OR14A2: variants seen among roughly 807,000 people sequenced by gnomAD.
OR14A2 encodes olfactory receptor family 14 subfamily A member 2.
For missense variants in OR14A2, 237 were observed against 152.9 expected, an observed-to-expected ratio of 1.55 and a Z score of -2.90; for synonymous variants, 114 against 58.6, an observed-to-expected ratio of 1.95 and a Z score of -4.32.
upstream of OR14A2, among the ~76,000 whole-genome samples, chr1:247,725,279 A>G (rs985265674): frequency 3.9e-5 from 6 of 152,050 alleles, no homozygotes; most frequent in African/African-American, 1.4e-4. Flanking sequence ...AAAATAAAGT[A>G]AAGGTTACGG....
At chr1:247,740,677 T>A in the OR14A2 span, among the ~76,000 whole-genome samples, 1 of 152,336 alleles carries the variant, frequency 6.6e-6, no homozygotes, top group Middle Eastern at 3.4e-3. Flanking sequence ...ACATTTCAAG[T>A]ACCCTAAATG....
At chr1:247,741,552 T>G in the OR14A2 span, among the ~76,000 whole-genome samples, 1 of 152,176 alleles carries the variant, frequency 6.6e-6, no homozygotes, top group Non-Finnish European at 1.5e-5. Flanking sequence ...CACTGGATAA[T>G]GACTATATTT....
the OR14A2 span, among the ~76,000 whole-genome samples, chr1:247,732,517 T>C: frequency 6.6e-6 from 1 of 152,156 alleles, no homozygotes; most frequent in Non-Finnish European, 1.5e-5. Context: ...TCTTTCCTAG[T>C]CCATCTTATT....
chr1:247,748,041 T>C, the OR14A2 span, among the ~76,000 whole-genome samples: 3 of 152,192 alleles, frequency 2.0e-5, no homozygotes, highest in East Asian at 1.9e-4. Flanking sequence ...AAAGTCAGCA[T>C]AGTTCCTTAA....
the OR14A2 span, among the ~76,000 whole-genome samples, chr1:247,731,283 G>C: frequency 1.3e-5 from 2 of 151,944 alleles, no homozygotes; most frequent in East Asian, 3.9e-4. Flanking sequence ...TCAGTATGCT[G>C]AGGATGTTTT....
chr1:247,745,155 T>C, the OR14A2 span, among the ~76,000 whole-genome samples: 1 of 152,188 alleles, frequency 6.6e-6, no homozygotes, highest in Non-Finnish European at 1.5e-5. Context: ...AATAATAGTA[T>C]ATTGAAGTAA....
chr1:247,737,464 C>A, the OR14A2 span, among the ~76,000 whole-genome samples: 7 of 152,118 alleles, frequency 4.6e-5, no homozygotes, highest in African/African-American at 1.4e-4. Context: ...AGCTTTAGAG[C>A]AATAATGGAG....
chr1:247,733,831 A>G, the OR14A2 span, among the ~76,000 whole-genome samples: 1 of 152,154 alleles, frequency 6.6e-6, no homozygotes, highest in Non-Finnish European at 1.5e-5. Context: ...AAAGGTAAGA[A>G]AAAGAAAAAG....
chr1:247,741,119 A>C, the OR14A2 span, among the ~76,000 whole-genome samples: 11 of 152,212 alleles, frequency 7.2e-5, no homozygotes, highest in Non-Finnish European at 1.6e-4. Context: ...AAAGTGCTTA[A>C]TTACATATTT....
the OR14A2 span, among the ~76,000 whole-genome samples, chr1:247,744,313 TTACTC>T: frequency 7.9e-5 from 12 of 152,320 alleles, no homozygotes; most frequent in East Asian, 1.9e-4. This position sits in a 1 kb window ranked among gnomAD's most constrained non-coding sequence, Gnocchi z 4.3. Context: ...TTTGTTTTGT[TTACTC>T]TAATGTAATC....
chr1:247,746,281 T>C, the OR14A2 span: 1 of 152,160 alleles, frequency 6.6e-6, no homozygotes, highest in African/African-American at 2.4e-5. Flanking sequence ...GTTATGACAT[T>C]AGCTGTTAGT....
At chr1:247,730,024 T>C in the OR14A2 span, among the ~76,000 whole-genome samples, 3 of 152,134 alleles carry the variant, frequency 2.0e-5, no homozygotes, top group African/African-American at 4.8e-5. Context: ...CCAATGTAAA[T>C]ATAGGTAATA....
At chr1:247,737,634 G>C in the OR14A2 span, among the ~76,000 whole-genome samples, 1 of 152,070 alleles carries the variant, frequency 6.6e-6, no homozygotes, top group African/African-American at 2.4e-5. Context: ...TCTGTTCTGT[G>C]TGTTTTAGAG....
upstream of OR14A2, among the ~76,000 whole-genome samples, chr1:247,728,196 C>T (rs542231979): frequency 3.9e-5 from 6 of 152,242 alleles, no homozygotes; most frequent in East Asian, 1.2e-3. Flanking sequence ...CAAACCGAAT[C>T]CAGCAGCACA....
upstream of OR14A2, among the ~76,000 whole-genome samples, chr1:247,725,982 C>G (rs1448925575): frequency 7.0e-6 from 1 of 143,404 alleles, no homozygotes; most frequent in Non-Finnish European, 1.5e-5. Flanking sequence ...AATAATGCCG[C>G]AGTAAACATA....
chr1:247,730,823 C>T, the OR14A2 span, among the ~76,000 whole-genome samples: 2 of 152,066 alleles, frequency 1.3e-5, no homozygotes, highest in Non-Finnish European at 2.9e-5. Flanking sequence ...ATTCACCTTT[C>T]TTCTGCCTTT....
At chr1:247,726,426 A>T (rs1433649024), upstream of OR14A2, among the ~76,000 whole-genome samples, 4 of 138,936 alleles carry the variant, frequency 2.9e-5, no homozygotes, top group South Asian at 2.4e-4. Context: ...TAGATTCTGG[A>T]TATTAGCCCT....
the OR14A2 span, among the ~76,000 whole-genome samples, chr1:247,742,960 T>G: frequency 1.1e-4 from 17 of 152,218 alleles, no homozygotes; most frequent in African/African-American, 3.9e-4. Flanking sequence ...GACTACTGTG[T>G]ACTTTGAAAT....
the OR14A2 span, among the ~76,000 whole-genome samples, chr1:247,730,052 T>C: frequency 6.6e-6 from 1 of 152,110 alleles, no homozygotes; most frequent in African/African-American, 2.4e-5. Flanking sequence ...CAATAATTAC[T>C]ATATGTTTTG....
Sources: allele counts gnomAD v4.1 joint callset (sites outside exome capture counted in the v4.1 genomes callset), GRCh38; gene constraint gnomAD v4.1.1; non-coding constraint Gnocchi (gnomAD v3.1); transcripts MANE v1.5; gene names NCBI Gene and HGNC (gene_info 2026-07-23, HGNC 2026-07-21).